Variants in RPS6KA4 observed in about 807,000 individuals in gnomAD.
The protein encoded by RPS6KA4 is ribosomal protein S6 kinase alpha-4.
In RPS6KA4, 38 loss-of-function variants were observed where a neutral mutation model predicts 89.6. The ratio of observed to expected loss-of-function variants is 0.42; its 90% confidence interval spans 0.33 to 0.56. RPS6KA4 has a LOEUF of 0.56. Among genes scored for constraint, RPS6KA4 ranks in the 20% least tolerant of loss-of-function variants. The pLI is 0.07. For synonymous variants in RPS6KA4, 495 were observed against 492.8 expected (o/e 1.00, Z -0.06); for missense variants, 873 against 1,098.8 (o/e 0.79, Z 2.90).
intron 12 of RPS6KA4, among the ~76,000 whole-genome samples, 164 bp from the exon 13 acceptor site, chr11:64,369,282 C>T (rs1241883887): frequency 7.0e-6 from 1 of 142,098 alleles, no homozygotes; most frequent in East Asian, 2.1e-4. Flanking sequence ...CAAAGCGAGA[C>T]TGTCTCCAAA....
intron 4 of RPS6KA4, 146 bp downstream of exon 4, chr11:64,360,738 C>G (rs2036723134): frequency 1.4e-6 from 1 of 700,382 alleles, no homozygotes; most frequent in Non-Finnish European, 2.3e-6. Context: ...GCTGCTTCCC[C>G]TGGACCCCTT....
At position 64,365,473 on chromosome 11, in the gene RPS6KA4, G is replaced by T. The variant is rs1299659987; in HGVS notation, c.1071+8G>T. The T allele has an allele frequency of 6.2e-7, 1 of 1,613,524 alleles. No homozygotes were observed. Among genetic ancestry groups the T allele is most frequent in the South Asian group, 1.1e-5 (1 of 91,054 alleles). ...GACCCCCGAATCTTTCAGGTGAGGG[G>T]AAACTCATGGAACCCAGATGCAGGA... On this transcript the variant is annotated splice_region_variant and intron_variant, in intron 9 of 16. Coordinates refer to ENST00000334205, the MANE Select transcript of RPS6KA4 (RefSeq NM_003942.3).
intron 2 of RPS6KA4, chr11:64,359,865 C>A: frequency 3.6e-6 from 2 of 556,108 alleles, no homozygotes; most frequent in Non-Finnish European, 6.4e-6. Flanking sequence ...CTTTTCACAT[C>A]CATCTGATCT....
chr11:64,369,968 G>A, intron 14 of RPS6KA4, 75 bp downstream of exon 14: 3 of 1,394,856 alleles, frequency 2.2e-6, no homozygotes, highest in Non-Finnish European at 2.8e-6. Flanking sequence ...GCAGCACGAG[G>A]GAGGGGACAG....
At position 64,371,542 on chromosome 11, in the gene RPS6KA4, C is replaced by T. The variant is rs1750441975; in HGVS notation, c.*62C>T. The stretch of plus-strand genomic sequence containing the variant: ...GTGACCTGGGAGCCCGGCTCACTCC[C>T]GGAGGCCTCTGCCTGCGGCTGACCT... On this transcript the variant is annotated 3_prime_UTR_variant, in exon 17 of 17. Transcript: ENST00000334205. The T allele has an allele frequency of 2.9e-6, 2 of 688,430 alleles. No individual in the cohort carries two copies. The highest frequency in any genetic ancestry group is 3.7e-5 in the South Asian group (2 of 54,730). The allele number at this position is 688,430 out of a possible 1,614,324, so 42.6% of individuals were successfully genotyped here. A position where few individuals can be genotyped will look rare whatever the true frequency, so the allele number is the denominator to read the frequency against.
Position 64,370,151 on chromosome 11 carries a change from G to A in RPS6KA4, c.1798-74G>A. ...AGTGCCCCTAGTGGGGAGGGTGAGT[G>A]GTTCTGTGGGAGCGGAGGGGTCAGC... is the stretch of plus-strand genomic sequence containing the variant. On this transcript the variant is annotated intron_variant, in intron 14 of 16. Transcript: ENST00000334205. The surrounding 1 kb of genome is among the most constrained non-coding windows in gnomAD (Gnocchi z 4.1). The A allele has an allele frequency of 4.1e-6, 6 of 1,473,644 alleles. No homozygotes were observed. Among genetic ancestry groups the A allele is most frequent in the Non-Finnish European group, 5.4e-6 (6 of 1,106,284 alleles). 91.3% of individuals were successfully genotyped at this position (1,473,644 alleles called of 1,614,324 possible).
intron 8 of RPS6KA4, among the ~76,000 whole-genome samples, chr11:64,363,862 CCTT>C (rs2036814605): frequency 6.6e-6 from 1 of 152,078 alleles, no homozygotes; most frequent in African/African-American, 2.4e-5. Context: ...AGAACTGGAG[CCTT>C]CCAGCTTGAG....
In RPS6KA4 at chr11:64,360,280, C is replaced by A; in HGVS notation, c.245C>A (p.Thr82Lys). The A allele has an allele frequency of 6.5e-7, 1 of 1,547,502 alleles. No homozygotes were observed. Among genetic ancestry groups the A allele is most frequent in the Non-Finnish European group, 8.7e-7 (1 of 1,146,156 alleles). ...CAGCGCGCCAAGACGCAAGAGCACA[C>A]GCGCACCGAGCGCTCGGTGCTGGAG... ...LVQRAKTQEH[T>K]RTERSVLELV... The change falls in exon 3 of 17, where the codon ACG becomes AAG. Residue 82 changes from threonine to lysine, a missense_variant. Thr to Lys is a moderately conservative substitution (Grantham distance 78). Around this residue, in one of 4 missense-constraint regions of RPS6KA4, gnomAD observed 542 missense variants for 736.4 expected, o/e 0.74. Transcript: ENST00000334205.
At chr11:64,360,867 CGGCCTGGCTCCTAA>C (rs2036727014) in intron 4 of RPS6KA4, 2 of 572,688 alleles carry the variant, frequency 3.5e-6, no homozygotes, top group Non-Finnish European at 6.2e-6. Context: ...GGAAACCTCA[CGGCCTGGCTCCTAA>C]GGCCTCCTTG....
chr11:64,361,440 C>A lies in RPS6KA4; in HGVS notation c.571-29C>A. Reference sequence around the variant, plus strand: ...CACTGGGGCACAGGAGAGGTTTCGACATCTAAGCAGGACCTCTTGCCCTCC... The same window carrying A: ...CACTGGGGCACAGGAGAGGTTTCGAAATCTAAGCAGGACCTCTTGCCCTCC... On this transcript the variant is annotated intron_variant, in intron 5 of 16. Coordinates refer to ENST00000334205, the MANE Select transcript of RPS6KA4 (RefSeq NM_003942.3). This position sits in a 1 kb window ranked among gnomAD's most constrained non-coding sequence, Gnocchi z 4.7. 1 of 1,612,464 alleles carries A rather than the reference C, an allele frequency of 6.2e-7. No individual in the cohort carries two copies. The highest frequency in any genetic ancestry group is 8.5e-7 in the Non-Finnish European group (1 of 1,178,816).
At chr11:64,371,156 T>C (rs2037061363) in intron 16 of RPS6KA4, 127 bp from the exon 17 acceptor site, 3 of 746,650 alleles carry the variant, frequency 4.0e-6, no homozygotes, top group Non-Finnish European at 6.6e-6. Context: ...GTGGTCGGTC[T>C]GGAGGCCAAG....
chr11:64,370,314 C>T lies in RPS6KA4; in HGVS notation c.1887C>T (p.Arg629=), dbSNP rs202020833. 5 of 1,594,488 alleles carry T rather than the reference C, an allele frequency of 3.1e-6. No individual in the cohort carries two copies. In the African/African-American group the frequency reaches 5.5e-5, roughly 17 times the overall value. The change falls in exon 15 of 17, where the codon CGC becomes CGT. Residue 629 remains arginine, a synonymous_variant. Transcript: ENST00000334205. The surrounding 1 kb of genome is among the most constrained non-coding windows in gnomAD (Gnocchi z 4.1). Reference sequence around the variant, plus strand: ...CGGCCGAGATCATGTGCAAAATCCGCGAGGGGCGCTTCTCCCTTGACGGGG... The same window carrying T: ...CGGCCGAGATCATGTGCAAAATCCGTGAGGGGCGCTTCTCCCTTGACGGGG... The part of the protein sequence containing the change: ...SQAAEIMCKI[R]EGRFSLDGEA...
chr11:64,368,092 CCCCATG>C (rs2036932759), intron 9 of RPS6KA4, 34 bp from the exon 10 acceptor site: 1 of 1,607,074 alleles, frequency 6.2e-7, no homozygotes, highest in Non-Finnish European at 8.5e-7. Context: ...CACCCCCAAC[CCCCATG>C]CCCATGCCCA....
rs1374984147 is a variant in RPS6KA4, at chr11:64,371,959, C to A, written c.*479C>A. The A allele has an allele frequency of 6.5e-6, 1 of 153,144 alleles. No individual in the cohort carries two copies. Among genetic ancestry groups the A allele is most frequent in the African/African-American group, 2.4e-5 (1 of 41,492 alleles). 9.5% of individuals were successfully genotyped at this position (153,144 alleles called of 1,614,324 possible). A position where few individuals can be genotyped will look rare whatever the true frequency, so the allele number is the denominator to read the frequency against. On this transcript the variant is annotated 3_prime_UTR_variant, in exon 17 of 17. Coordinates refer to ENST00000334205, the MANE Select transcript of RPS6KA4 (RefSeq NM_003942.3). ...CGTGTTGGGGGTACTGAAGGAGAGGCCCTGGGGGACCCTCTGAAGCATTTC... is the reference window on the plus strand; with the variant it reads ...CGTGTTGGGGGTACTGAAGGAGAGGACCTGGGGGACCCTCTGAAGCATTTC...
chr11:64,361,060 A>T lies in RPS6KA4; in HGVS notation c.463-74A>T. 1 of 1,308,508 alleles carries T rather than the reference A, an allele frequency of 7.6e-7. No individual in the cohort carries two copies. Among genetic ancestry groups the T allele is most frequent in the Non-Finnish European group, 1.1e-6 (1 of 923,668 alleles). The allele number at this position is 1,308,508 out of a possible 1,614,324, so 81.1% of individuals were successfully genotyped here. On this transcript the variant is annotated intron_variant, in intron 4 of 16. Coordinates refer to ENST00000334205, the MANE Select transcript of RPS6KA4 (RefSeq NM_003942.3). The surrounding 1 kb of genome is among the most constrained non-coding windows in gnomAD (Gnocchi z 4.7). ...TTCTCTGGGGGGTCTCCTTATCCTG[A>T]GCAGGGCCAGGAGCTGGAGGAGCTG...
chr11:64,369,338 G>T (rs1279211793), intron 12 of RPS6KA4, 108 bp from the exon 13 acceptor site: 16 of 1,198,994 alleles, frequency 1.3e-5, no homozygotes, highest in Non-Finnish European at 1.7e-5. Flanking sequence ...TGAGGAGGGG[G>T]TTCTCGAACA....
In RPS6KA4 at chr11:64,368,764, C is replaced by A; in HGVS notation, c.1395C>A (p.Asn465Lys). The A allele has an allele frequency of 6.4e-7, 1 of 1,572,044 alleles. No homozygotes were observed. Among genetic ancestry groups the A allele is most frequent in the South Asian group, 1.2e-5 (1 of 85,910 alleles). The change falls in exon 12 of 17, where the codon AAC becomes AAA. Residue 465 changes from asparagine to lysine, a missense_variant. Physicochemically the swap from Asn to Lys is moderately conservative, Grantham distance 94. Transcript: ENST00000334205. ...TGCGCCTGTGCCAGTCACACCCCAA[C>A]GTGGTGAATCTGCACGAGGTGCATC... is the stretch of plus-strand genomic sequence containing the variant. ...AALRLCQSHP[N>K]VVNLHEVHHD...
At chr11:64,366,153 A>T (rs181884643) in intron 9 of RPS6KA4, among the ~76,000 whole-genome samples, 1 of 149,106 alleles carries the variant, frequency 6.7e-6, no homozygotes, top group African/African-American at 2.5e-5. Flanking sequence ...CTGGAGGGTC[A>T]GGTCCCCTCC....
Position 64,365,468 on chromosome 11 carries a change from G to A in RPS6KA4, c.1071+3G>A. On this transcript the variant is annotated splice_donor_region_variant and intron_variant, in intron 9 of 16. Coordinates refer to ENST00000334205, the MANE Select transcript of RPS6KA4 (RefSeq NM_003942.3). ...CTGGGGACCCCCGAATCTTTCAGGT[G>A]AGGGGAAACTCATGGAACCCAGATG... is the stretch of plus-strand genomic sequence containing the variant. The A allele has an allele frequency of 1.2e-6, 2 of 1,613,716 alleles. No homozygotes were observed. Among genetic ancestry groups the A allele is most frequent in the Non-Finnish European group, 1.7e-6 (2 of 1,179,946 alleles).
Sources: allele counts gnomAD v4.1 joint callset (sites outside exome capture counted in the v4.1 genomes callset), GRCh38; gene constraint gnomAD v4.1.1; regional missense constraint gnomAD v4.1.1; non-coding constraint Gnocchi (gnomAD v3.1); transcripts MANE v1.5; gene names NCBI Gene and HGNC (gene_info 2026-07-23, HGNC 2026-07-21).